Variants in TAS2R1 observed in about 807,000 individuals in gnomAD.
TAS2R1 encodes the protein taste receptor type 2 member 1.
For synonymous variants in TAS2R1, 141 were observed against 134.2 expected (o/e 1.05, Z -0.35); for missense variants, 370 against 353.4 (o/e 1.05, Z -0.38).
intron 1 of TAS2R1, among the ~76,000 whole-genome samples, chr5:9,701,755 T>C (rs764679510): frequency 4.6e-5 from 7 of 152,226 alleles, no homozygotes; most frequent in Non-Finnish European, 1.0e-4. Flanking sequence ...TCTATATAGT[T>C]TATAAGATAA....
chr5:9,792,996 TGCATATAAAAGATGCATTTTCTTAGAAA>T, the TAS2R1 span, among the ~76,000 whole-genome samples: 1 of 152,208 alleles, frequency 6.6e-6, no homozygotes, highest in Admixed American at 6.5e-5. Context: ...ATGATTCCAT[TGCATATAAAAGATGCATTTTCTTAGAAA>T]GAATCTTCAT....
At chr5:9,807,033 G>A in the TAS2R1 span, among the ~76,000 whole-genome samples, 7 of 151,836 alleles carry the variant, frequency 4.6e-5, no homozygotes, top group Admixed American at 1.3e-4. Flanking sequence ...AATCTACAGA[G>A]AACTCAAAAA....
At chr5:9,775,550 C>G in the TAS2R1 span, among the ~76,000 whole-genome samples, 1 of 152,144 alleles carries the variant, frequency 6.6e-6, no homozygotes, top group African/African-American at 2.4e-5. Flanking sequence ...ATATCTGAAG[C>G]CAGGATGTTT....
chr5:9,716,437 T>C (rs1015855), upstream of TAS2R1, among the ~76,000 whole-genome samples: 45,126 of 151,902 alleles, frequency 0.3, 6,844 homozygotes, highest in Middle Eastern at 0.39. Flanking sequence ...ACCCTGCTTT[T>C]AGCTAACTAA....
chr5:9,867,634 T>A, the TAS2R1 span, among the ~76,000 whole-genome samples: 1 of 152,148 alleles, frequency 6.6e-6, no homozygotes, highest in African/African-American at 2.4e-5. Flanking sequence ...CCAAACCATA[T>A]GATTCTGTTC....
At chr5:9,684,318 G>A (rs565955916) in intron 1 of TAS2R1, among the ~76,000 whole-genome samples, 9 of 152,286 alleles carry the variant, frequency 5.9e-5, no homozygotes, top group Admixed American at 2.6e-4. Context: ...AATACCTCAC[G>A]TTCTTGCTCA....
chr5:9,704,365 A>G (rs1579792440), intron 1 of TAS2R1, among the ~76,000 whole-genome samples: 1 of 41,424 alleles, frequency 2.4e-5, no homozygotes, highest in Admixed American at 3.0e-4. Context: ...TCCACTGAGA[A>G]AAAAAAAAAA....
chr5:9,793,722 C>G, the TAS2R1 span, among the ~76,000 whole-genome samples: 1 of 152,100 alleles, frequency 6.6e-6, no homozygotes, highest in East Asian at 1.9e-4. Context: ...TCAGTCAAGT[C>G]AGGGAATGAG....
chr5:9,690,963 G>C (rs73037641), intron 1 of TAS2R1, among the ~76,000 whole-genome samples: 15,399 of 152,130 alleles, frequency 0.1, 908 homozygotes, highest in Admixed American at 0.19. Context: ...CTTTCTACCA[G>C]GCCTCACTCG....
At chr5:9,639,978 T>C (rs753786736) in intron 2 of TAS2R1, among the ~76,000 whole-genome samples, 2 of 152,204 alleles carry the variant, frequency 1.3e-5, no homozygotes, top group South Asian at 2.1e-4. Context: ...GTAGCACTTT[T>C]AATTTTCTTC....
At chr5:9,637,974 G>A (rs921707872) in intron 2 of TAS2R1, among the ~76,000 whole-genome samples, 5 of 152,174 alleles carry the variant, frequency 3.3e-5, no homozygotes, top group Admixed American at 2.6e-4. Context: ...GCCGGTGTGT[G>A]TGATGTTTTG....
At chr5:9,638,504 G>C (rs887809814) in intron 2 of TAS2R1, among the ~76,000 whole-genome samples, 7 of 152,160 alleles carry the variant, frequency 4.6e-5, no homozygotes, top group Non-Finnish European at 1.0e-4. Flanking sequence ...CTCCTTCCTG[G>C]GGTCAGGGTT....
intron 1 of TAS2R1, among the ~76,000 whole-genome samples, chr5:9,710,954 A>T (rs866562666): frequency 2.9e-5 from 4 of 139,680 alleles, no homozygotes; most frequent in African/African-American, 1.1e-4. Context: ...TATAATATAT[A>T]ATTATATTTA....
chr5:9,641,124 G>A (rs1015707848), intron 2 of TAS2R1, among the ~76,000 whole-genome samples: 6 of 151,980 alleles, frequency 3.9e-5, no homozygotes, highest in South Asian at 2.1e-4. Flanking sequence ...ACAGTTTTTC[G>A]GCCCTGACAG....
intron 1 of TAS2R1, among the ~76,000 whole-genome samples, chr5:9,667,319 G>T (rs1411309608): frequency 6.6e-6 from 1 of 152,148 alleles, no homozygotes; most frequent in Non-Finnish European, 1.5e-5. Flanking sequence ...ACCTGTTAGA[G>T]CTTCCAGCCT....
At chr5:9,825,556 T>C in the TAS2R1 span, among the ~76,000 whole-genome samples, 1 of 152,298 alleles carries the variant, frequency 6.6e-6, no homozygotes, top group Non-Finnish European at 1.5e-5. Flanking sequence ...TGGAACTTTC[T>C]CTCAACAACT....
chr5:9,862,532 A>G, the TAS2R1 span, among the ~76,000 whole-genome samples: 1 of 152,246 alleles, frequency 6.6e-6, no homozygotes, highest in East Asian at 1.9e-4. Context: ...TAAAGAATCC[A>G]CTAAGTTAGA....
intron 2 of TAS2R1, among the ~76,000 whole-genome samples, chr5:9,639,751 C>T (rs907048940): frequency 3.3e-5 from 5 of 152,210 alleles, no homozygotes; most frequent in Non-Finnish European, 7.4e-5. Flanking sequence ...TTTCCTTAAA[C>T]GTCATGATCT....
At chr5:9,780,191 C>A in the TAS2R1 span, among the ~76,000 whole-genome samples, 13 of 152,104 alleles carry the variant, frequency 8.5e-5, no homozygotes, top group Non-Finnish European at 1.9e-4. Context: ...TGACAGTTAC[C>A]TGACCTGCAG....
Sources: gnomAD v4.1 joint callset for allele counts (sites outside exome capture counted in the v4.1 genomes callset) on GRCh38, gnomAD v4.1.1 for gene constraint, MANE v1.5 for transcripts, NCBI Gene and HGNC (gene_info 2026-07-23, HGNC 2026-07-21) for gene names.